Variants in ENPP3 observed in about 807,000 individuals in gnomAD.
ENPP3 encodes the protein ectonucleotide pyrophosphatase/phosphodiesterase family member 3.
In ENPP3, 104 loss-of-function variants were observed where a neutral mutation model predicts 117.8. The ratio of observed to expected loss-of-function variants is 0.88; its 90% CI spans 0.75 to 1.04. ENPP3 has a LOEUF of 1.04. Among genes scored for constraint, ENPP3 ranks in the 50% least tolerant of loss-of-function variants. The pLI is 0.00. For missense variants in ENPP3, 1,026 were observed against 1,051.9 expected, an observed-to-expected ratio of 0.98 and a Z score of 0.34; for synonymous variants, 380 against 349.9, an observed-to-expected ratio of 1.09 and a Z score of -0.96.
chr6:131,637,472 A>G lies in ENPP3; in HGVS notation c.78+10A>G, dbSNP rs751151342. 10 of 1,452,390 alleles carry G rather than the reference A, an allele frequency of 6.9e-6. No homozygotes were observed. Among genetic ancestry groups the G allele is most frequent in the South Asian group, 6.2e-5 (5 of 80,450 alleles). 90.0% of individuals were successfully genotyped at this position (1,452,390 alleles called of 1,614,324 possible). A position where few individuals can be genotyped will look rare whatever the true frequency, so the allele number is the denominator to read the frequency against. On this transcript the variant is annotated intron_variant, in intron 1 of 24. Transcript: ENST00000357639. ...TAAAATAGCTTGCATTGTAAGTACA[A>G]TTCTTATTTTTAGTCTTTCTAGTTT...
intron 17 of ENPP3, 51 bp from the exon 18 acceptor site, chr6:131,722,176 T>A (rs1192686447): frequency 5.3e-6 from 7 of 1,314,032 alleles, no homozygotes; most frequent in Non-Finnish European, 7.5e-6. Context: ...CACAGAGGAG[T>A]TGTTGCTTTC....
Position 131,683,158 on chromosome 6 carries a change from C to T in ENPP3, c.1116C>T (p.Asp372=). The T allele has an allele frequency of 6.5e-7, 1 of 1,542,754 alleles. No individual in the cohort carries two copies. Among genetic ancestry groups the T allele is most frequent in the Non-Finnish European group, 8.9e-7 (1 of 1,120,414 alleles). ...HNCVNIILLA[D]HGMDQTYCNK... ...GTGTCAATATCATCCTTCTGGCTGA[C>T]CATGGTATGCTTTTAAAAAACATTC... The change falls in exon 12 of 25, where the codon GAC becomes GAT. Residue 372 remains aspartate (D), a synonymous_variant. Coordinates refer to ENST00000357639, the MANE Select transcript of ENPP3 (RefSeq NM_005021.5).
chr6:131,641,775 T>A (rs1778046707), intron 2 of ENPP3, among the ~76,000 whole-genome samples: 1 of 149,010 alleles, frequency 6.7e-6, no homozygotes, highest in Non-Finnish European at 1.5e-5. Flanking sequence ...TTCCAGTGTT[T>A]TTCTCTTACC....
chr6:131,732,710 C>CATT (rs71030755), intron 20 of ENPP3, among the ~76,000 whole-genome samples: 79,773 of 131,452 alleles, frequency 0.61, 25,541 homozygotes, highest in Non-Finnish European at 0.69. Flanking sequence ...TGGCCTAAGA[C>CATT]ATTATTATTA....
intron 14 of ENPP3, 46 bp from the exon 15 acceptor site, chr6:131,693,451 T>C: frequency 6.5e-7 from 1 of 1,536,792 alleles, no homozygotes. Context: ...TTAAAATTAA[T>C]TTGCATATCT....
At chr6:131,675,341 A>C (rs1025297104) in intron 9 of ENPP3, 152 bp downstream of exon 9, 10 of 590,850 alleles carry the variant, frequency 1.7e-5, no homozygotes, top group Admixed American at 6.0e-5. Context: ...TCACTCAAGC[A>C]GTCTCTCAGT....
Position 131,683,119 on chromosome 6 carries a change from G to T in ENPP3, c.1077G>T (p.Arg359=), listed in dbSNP as rs1562449393. ...TGTTGATGGAAGGCCTGAAGCAGCG[G>T]AATTTGCACAACTGTGTCAATATCA... ...FGMLMEGLKQ[R]NLHNCVNIIL... The change falls in exon 12 of 25, where the codon CGG becomes CGT. Residue 359 remains arginine (R), a synonymous_variant. Coordinates refer to ENST00000357639, the MANE Select transcript of ENPP3 (RefSeq NM_005021.5). 1 of 1,612,476 alleles carries T rather than the reference G, an allele frequency of 6.2e-7. No homozygotes were observed.
At chr6:131,721,172 G>A (rs1276718283) in intron 17 of ENPP3, among the ~76,000 whole-genome samples, 2 of 152,152 alleles carry the variant, frequency 1.3e-5, no homozygotes. Context: ...CTACCTACGT[G>A]CTTGTTGCAG....
intron 6 of ENPP3, among the ~76,000 whole-genome samples, chr6:131,668,687 A>ACATT (rs1437330837): frequency 4.6e-5 from 7 of 152,176 alleles, no homozygotes; most frequent in Non-Finnish European, 8.8e-5. Context: ...TTTTTTTAGA[A>ACATT]GTAAAATACA....
chr6:131,727,699 A>C (rs1372403958), intron 20 of ENPP3, among the ~76,000 whole-genome samples: 1 of 152,180 alleles, frequency 6.6e-6, no homozygotes, highest in Non-Finnish European at 1.5e-5. Flanking sequence ...ATTGAATGAA[A>C]CGCATTGAAT....
At chr6:131,663,181 T>C (rs1344378153) in intron 6 of ENPP3, among the ~76,000 whole-genome samples, 1 of 151,368 alleles carries the variant, frequency 6.6e-6, no homozygotes, top group Non-Finnish European at 1.5e-5. Flanking sequence ...GCCTAATTGC[T>C]CAGGCTAGAA....
chr6:131,663,832 T>G (rs942266318), intron 6 of ENPP3, among the ~76,000 whole-genome samples: 1 of 152,162 alleles, frequency 6.6e-6, no homozygotes, highest in African/African-American at 2.4e-5. Context: ...GTACACATAT[T>G]TATGTACATT....
At chr6:131,649,831 C>T (rs1458100136) in intron 2 of ENPP3, among the ~76,000 whole-genome samples, 196 bp from the exon 3 acceptor site, 1 of 152,184 alleles carries the variant, frequency 6.6e-6, no homozygotes, top group East Asian at 1.9e-4. Flanking sequence ...GTTGTTATTA[C>T]AGGCATGAGC....
intron 15 of ENPP3, among the ~76,000 whole-genome samples, chr6:131,712,229 C>T (rs1448047767): frequency 3.5e-5 from 5 of 142,802 alleles, no homozygotes; most frequent in South Asian, 4.4e-4. Flanking sequence ...GTCTGTTTTA[C>T]TTGCTTTTTT....
intron 7 of ENPP3, 37 bp downstream of exon 7, chr6:131,671,364 C>G: frequency 8.6e-7 from 1 of 1,166,172 alleles, no homozygotes; most frequent in Non-Finnish European, 1.3e-6. Flanking sequence ...AGGCCAAAGA[C>G]CAGAACTGAC....
intron 15 of ENPP3, among the ~76,000 whole-genome samples, chr6:131,703,778 T>G (rs1057354496): frequency 6.6e-6 from 1 of 151,558 alleles, no homozygotes; most frequent in Non-Finnish European, 1.5e-5. Context: ...CTTCTTCAAG[T>G]GCTTTTGAGA....
chr6:131,678,333 C>T (rs1403791939), intron 11 of ENPP3, among the ~76,000 whole-genome samples: 2 of 152,182 alleles, frequency 1.3e-5, no homozygotes, highest in Admixed American at 6.5e-5. Flanking sequence ...GTCTACTCCC[C>T]GACAGTTCAG....
intron 6 of ENPP3, 22 bp downstream of exon 6, chr6:131,658,442 G>T (rs376373611): frequency 8.1e-7 from 1 of 1,235,244 alleles, no homozygotes; most frequent in Non-Finnish European, 1.2e-6. Flanking sequence ...GTAACTAGTG[G>T]CATGCAAATG....
chr6:131,746,283 C>T (rs1780633916), intron 24 of ENPP3, among the ~76,000 whole-genome samples: 1 of 152,044 alleles, frequency 6.6e-6, no homozygotes, highest in Admixed American at 6.6e-5. Flanking sequence ...TCACAAACCA[C>T]AGCTAAGAAC....
Sources: gnomAD v4.1 joint callset for allele counts (sites outside exome capture counted in the v4.1 genomes callset) on GRCh38, gnomAD v4.1.1 for gene constraint, MANE v1.5 for transcripts, NCBI Gene and HGNC (gene_info 2026-07-23, HGNC 2026-07-21) for gene names.